STON2: variants seen among roughly 807,000 people sequenced by gnomAD.
STON2 encodes the protein stonin-2.
STON2 carries 29 observed loss-of-function variants against 65.7 expected under a neutral mutation model. The ratio of observed to expected loss-of-function variants is 0.44; its 90% confidence interval spans 0.33 to 0.60. The LOEUF (loss-of-function observed/expected upper bound fraction) is 0.60. STON2 is among the 20% of genes least tolerant of loss of function. The pLI is 0.03. For synonymous variants in STON2, 404 were observed against 414.2 expected (o/e 0.98, Z 0.30); for missense variants, 1,054 against 1,118.1 (o/e 0.94, Z 0.82).
At chr14:81,299,339 C>T (rs1329407131) in intron 5 of STON2, among the ~76,000 whole-genome samples, 1 of 152,194 alleles carries the variant, frequency 6.6e-6, no homozygotes, top group Non-Finnish European at 1.5e-5. Flanking sequence ...TATCACCATA[C>T]TAAGAATGGA....
At chr14:81,288,015 G>C (rs1487120124) in intron 5 of STON2, among the ~76,000 whole-genome samples, 1 of 152,128 alleles carries the variant, frequency 6.6e-6, no homozygotes, top group East Asian at 1.9e-4. Context: ...CCGAGGGCAG[G>C]GATAGATTCT....
intron 4 of STON2, among the ~76,000 whole-genome samples, chr14:81,369,551 T>C (rs1187067764): frequency 6.6e-6 from 1 of 152,210 alleles, no homozygotes; most frequent in African/African-American, 2.4e-5. Context: ...AGAGAACTTG[T>C]TTCAACCCTG....
At chr14:81,308,289 T>C (rs1470404697) in intron 5 of STON2, among the ~76,000 whole-genome samples, 1 of 152,124 alleles carries the variant, frequency 6.6e-6, no homozygotes, top group Non-Finnish European at 1.5e-5. Flanking sequence ...CTGCAACCTC[T>C]GTCTCCTGGG....
chr14:81,267,785 T>C lies in STON2; in HGVS notation c.*629A>G. 1.0e-6 allele frequency: 1 copy of C among 985,458 alleles called. No individual in the cohort carries two copies. Among genetic ancestry groups the C allele is most frequent in the Non-Finnish European group, 1.2e-6 (1 of 829,934 alleles). The allele number at this position is 985,458 out of a possible 1,614,324, so 61.0% of individuals were successfully genotyped here. On this transcript the variant is annotated 3_prime_UTR_variant, in exon 8 of 8. Transcript: ENST00000614646. ...TATTGTGACTCAGGATAGCAAATCCTGTGACTGAAACCTTAGAGAGATGGA... is the reference window on the plus strand; with the variant it reads ...TATTGTGACTCAGGATAGCAAATCCCGTGACTGAAACCTTAGAGAGATGGA...
At chr14:81,329,587 C>A (rs1897132780) in intron 4 of STON2, among the ~76,000 whole-genome samples, 1 of 152,174 alleles carries the variant, frequency 6.6e-6, no homozygotes, top group African/African-American at 2.4e-5. Context: ...AGAAACCCCA[C>A]TGACATGTTG....
intron 5 of STON2, among the ~76,000 whole-genome samples, chr14:81,293,967 C>T (rs1053013493): frequency 1.3e-5 from 2 of 152,160 alleles, no homozygotes; most frequent in Non-Finnish European, 2.9e-5. Context: ...AGCTGATACA[C>T]CAACTTCCTG....
At chr14:81,435,264 A>C (rs1205813475) in intron 1 of STON2, among the ~76,000 whole-genome samples, 1 of 152,072 alleles carries the variant, frequency 6.6e-6, no homozygotes, top group Non-Finnish European at 1.5e-5. Context: ...TAATAATAGC[A>C]TTTTTTTCCT....
chr14:81,429,934 C>CAAA lies in STON2; in HGVS notation c.-309-2725_-309-2723dup, dbSNP rs371030408. Among the ~76,000 whole-genome samples, 665 of 128,872 alleles carry CAAA rather than the reference C, an allele frequency of 5.2e-3. 6 individuals carry two copies. The highest frequency in any genetic ancestry group is 0.018 in the African/African-American group (639 of 35,174). 84.5% of individuals were successfully genotyped at this position (128,872 alleles called of 152,430 possible). A position where few individuals can be genotyped will look rare whatever the true frequency, so the allele number is the denominator to read the frequency against. ...TGGGTGACACAGCAAGACTCTGTCT[C>CAAA]AAAAAAAAAAAAAAGAAAAAAGTCA... is the stretch of plus-strand genomic sequence containing the variant. On this transcript the variant is annotated intron_variant, in intron 1 of 8. Transcript: ENST00000553821.
chr14:81,384,523 A>G (rs11849507), intron 3 of STON2, among the ~76,000 whole-genome samples: 6,407 of 152,226 alleles, frequency 0.042, 480 homozygotes, highest in African/African-American at 0.15. Flanking sequence ...GGCGTAAGCC[A>G]TCGCGCCCAG....
At chr14:81,404,882 C>T (rs1334887853), upstream of STON2, among the ~76,000 whole-genome samples, 2 of 152,214 alleles carry the variant, frequency 1.3e-5, no homozygotes, top group Non-Finnish European at 2.9e-5. Context: ...TTGAAGGCTA[C>T]TTTTCACAAG....
Position 81,261,610 on chromosome 14 carries a change from A to G in STON2, c.*6804T>C. On this transcript the variant is annotated 3_prime_UTR_variant, in exon 8 of 8. Transcript: ENST00000614646. Reference sequence around the variant, plus strand: ...ACTTACAAATAGTCCCAGGATGTTTACTGAGTGTCCTCCTTCAATTTTCAC... The same window carrying G: ...ACTTACAAATAGTCCCAGGATGTTTGCTGAGTGTCCTCCTTCAATTTTCAC... The G allele has an allele frequency of 1.7e-6, 1 of 593,480 alleles. No homozygotes were observed. The highest frequency in any genetic ancestry group is 3.4e-5 in the East Asian group (1 of 29,360). 36.8% of individuals were successfully genotyped at this position (593,480 alleles called of 1,614,324 possible).
At chr14:81,340,078 C>T (rs750880713) in intron 4 of STON2, among the ~76,000 whole-genome samples, 24 of 152,136 alleles carry the variant, frequency 1.6e-4, no homozygotes, top group Non-Finnish European at 2.4e-4. Context: ...GGCATAAACC[C>T]GGGGGATGGA....
In STON2 at chr14:81,260,896, A is replaced by G. The variant is rs1894113899; in HGVS notation, c.*7518T>C. The G allele has an allele frequency of 6.6e-6, 1 of 152,210 alleles. No individual in the cohort carries two copies. The highest frequency in any genetic ancestry group is 2.4e-5 in the African/African-American group (1 of 41,456). 9.4% of individuals were successfully genotyped at this position (152,210 alleles called of 1,614,324 possible). ...TGATGGAAAATGTAAGGCTTGGAAC[A>G]GCTGAATCATTCACTGGATCTTGGG... is the stretch of plus-strand genomic sequence containing the variant. On this transcript the variant is annotated 3_prime_UTR_variant, in exon 8 of 8. Transcript: ENST00000614646.
At chr14:81,421,080 T>G (rs1039063699) in intron 2 of STON2, among the ~76,000 whole-genome samples, 2 of 152,054 alleles carry the variant, frequency 1.3e-5, no homozygotes, top group Non-Finnish European at 2.9e-5. Context: ...ATGTTAGAAA[T>G]AGGTCAGGGG....
Position 81,371,064 on chromosome 14 carries a change from T to C in STON2, c.495A>G (p.Gly165=), listed in dbSNP as rs369302985. 9.3e-6 allele frequency: 15 copies of C among 1,613,814 alleles called. No individual in the cohort carries two copies. Among genetic ancestry groups the C allele is most frequent in the East Asian group, 2.2e-5 (1 of 44,890 alleles). The change falls in exon 4 of 8, where the codon GGA becomes GGG. Residue 165 remains glycine, a synonymous_variant. Transcript: ENST00000614646. ...TGAGCTGCAGATCTGTATACGAACATCCAAAGCTAGGACTGCTGGTGTCTT... is the reference window on the plus strand; with the variant it reads ...TGAGCTGCAGATCTGTATACGAACACCCAAAGCTAGGACTGCTGGTGTCTT... ...HSEDTSSPSF[G]CSYTDLQLIN...
At chr14:81,379,514 G>A (rs10145634) in intron 3 of STON2, among the ~76,000 whole-genome samples, 82,098 of 152,018 alleles carry the variant, frequency 0.54, 23,252 homozygotes, top group East Asian at 0.74. Context: ...ATTTACTTCA[G>A]TGTCAATTAA....
chr14:81,394,882 TAAG>T (rs1040043252), intron 3 of STON2: 2 of 152,182 alleles, frequency 1.3e-5, no homozygotes, highest in African/African-American at 4.8e-5. Context: ...TACAGAATCA[TAAG>T]ATGATAAACT....
chr14:81,387,172 TTTTA>T (rs1230041414), intron 3 of STON2, among the ~76,000 whole-genome samples: 4 of 139,968 alleles, frequency 2.9e-5, no homozygotes, highest in Non-Finnish European at 6.0e-5. Context: ...TGTTTTTTTT[TTTTA>T]AAACATGCTG....
At chr14:81,380,977 A>C (rs1899485836) in intron 3 of STON2, among the ~76,000 whole-genome samples, 1 of 152,116 alleles carries the variant, frequency 6.6e-6, no homozygotes, top group Non-Finnish European at 1.5e-5. Flanking sequence ...TCTAAAATAA[A>C]TGTTGGAAAG....
Sources: allele counts gnomAD v4.1 joint callset (sites outside exome capture counted in the v4.1 genomes callset), GRCh38; gene constraint gnomAD v4.1.1; transcripts MANE v1.5; gene names NCBI Gene and HGNC (gene_info 2026-07-23, HGNC 2026-07-21).